The following PCDHGB3 variants were observed in gnomAD, a reference collection of about 807,000 sequenced individuals.
The protein encoded by PCDHGB3 is protocadherin gamma-B3.
In PCDHGB3, 40 loss-of-function variants were observed where a neutral mutation model predicts 59.2. The observed-to-expected ratio is 0.68, with a 90% CI of 0.52 to 0.88. PCDHGB3 has a LOEUF of 0.88. Ranked by LOEUF, PCDHGB3 falls within the 40% of genes least tolerant of loss-of-function variation. The pLI is 0.00. For missense variants in PCDHGB3, 1,309 were observed against 1,187.9 expected (o/e 1.10, Z -1.50); for synonymous variants, 581 against 503.6 (o/e 1.15, Z -2.06).
At chr5:141,480,178 C>T (rs143309515) in intron 1 of PCDHGB3, among the ~76,000 whole-genome samples, 346 of 150,752 alleles carry the variant, frequency 2.3e-3, no homozygotes, top group Non-Finnish European at 2.8e-3. Flanking sequence ...CTGAGGCAGG[C>T]GGATTGCTTG....
chr5:141,440,401 C>T (rs1023628115), intron 1 of PCDHGB3: 4 of 152,088 alleles, frequency 2.6e-5, no homozygotes, highest in African/African-American at 7.3e-5. Context: ...GAGAGGCAAT[C>T]GCACCACTGC....
intron 1 of PCDHGB3, among the ~76,000 whole-genome samples, chr5:141,387,296 C>T (rs2090893790): frequency 6.6e-6 from 1 of 152,134 alleles, no homozygotes; most frequent in Non-Finnish European, 1.5e-5. Flanking sequence ...TAAAATGTAT[C>T]CAGTATATTT....
In PCDHGB3 at chr5:141,431,318, G is replaced by T. The variant is rs1309389474; in HGVS notation, c.2415+58509G>T. The T allele has an allele frequency of 6.2e-7, 1 of 1,614,086 alleles. No individual in the cohort carries two copies. Among genetic ancestry groups the T allele is most frequent in the African/African-American group, 1.3e-5 (1 of 75,050 alleles). ...CTCCCTCATCGTGCAAAATGGAGCCGACGGTAGTAAGTACCCCGAATTGGT... is the reference window on the plus strand; with the variant it reads ...CTCCCTCATCGTGCAAAATGGAGCCTACGGTAGTAAGTACCCCGAATTGGT... On this transcript the variant is annotated intron_variant, in intron 1 of 3. Coordinates refer to ENST00000576222, the MANE Select transcript of PCDHGB3 (RefSeq NM_018924.5). The surrounding 1 kb of genome is among the most constrained non-coding windows in gnomAD (Gnocchi z 4.8).
In PCDHGB3 at chr5:141,476,401, G is replaced by A. The variant is rs772438777; in HGVS notation, c.2416-18406G>A. The A allele has an allele frequency of 1.9e-6, 3 of 1,614,054 alleles. No individual in the cohort carries two copies. Among genetic ancestry groups the A allele is most frequent in the African/African-American group, 2.7e-5 (2 of 74,926 alleles). On this transcript the variant is annotated intron_variant, in intron 1 of 3. Coordinates refer to ENST00000576222, the MANE Select transcript of PCDHGB3 (RefSeq NM_018924.5). This position sits in a 1 kb window ranked among gnomAD's most constrained non-coding sequence, Gnocchi z 7.6. ...TTGTGAACGACCGTCTGGATCGAGA[G>A]GAGCTGTGTGGGACACTGCCCTCTT...
intron 1 of PCDHGB3, among the ~76,000 whole-genome samples, chr5:141,452,664 T>C (rs557662640): frequency 6.6e-6 from 1 of 151,058 alleles, no homozygotes; most frequent in South Asian, 2.1e-4. Context: ...TCCACTGCAC[T>C]CCAGCCTAGG....
intron 1 of PCDHGB3, chr5:141,383,858 A>T: frequency 6.2e-7 from 1 of 1,613,996 alleles, no homozygotes. Flanking sequence ...ATGGAGGTTC[A>T]GGCTCAAGAT....
intron 1 of PCDHGB3, chr5:141,428,120 C>T (rs756805763): frequency 3.7e-6 from 6 of 1,606,528 alleles, no homozygotes; most frequent in East Asian, 4.5e-5. Flanking sequence ...CCATCGAGCC[C>T]GGGCTTTTCA....
intron 1 of PCDHGB3, among the ~76,000 whole-genome samples, chr5:141,448,706 C>T (rs1344013319): frequency 1.3e-5 from 2 of 151,730 alleles, no homozygotes; most frequent in African/African-American, 2.4e-5. Flanking sequence ...TTTGGGAGGC[C>T]GAGGCGGGAG....
In PCDHGB3 at chr5:141,432,167, T is replaced by G. The variant is rs559707772; in HGVS notation, c.2415+59358T>G. The G allele has an allele frequency of 1.4e-5, 22 of 1,613,962 alleles. No homozygotes were observed. The highest frequency in any genetic ancestry group is 9.3e-5 in the African/African-American group (7 of 74,972). On this transcript the variant is annotated intron_variant, in intron 1 of 3. Coordinates refer to ENST00000576222, the MANE Select transcript of PCDHGB3 (RefSeq NM_018924.5). The surrounding 1 kb of genome is among the most constrained non-coding windows in gnomAD (Gnocchi z 6.0). Reference sequence around the variant, plus strand: ...CCCAGAGAACAATCCCAGAGGAGTTTCCCTCGTCTCTGTGACCGCCCACGA... The same window carrying G: ...CCCAGAGAACAATCCCAGAGGAGTTGCCCTCGTCTCTGTGACCGCCCACGA...
chr5:141,486,565 TC>T lies in PCDHGB3; in HGVS notation c.2416-8240del. The T allele has an allele frequency of 6.2e-7, 1 of 1,614,024 alleles. No homozygotes were observed. The highest frequency in any genetic ancestry group is 2.2e-5 in the East Asian group (1 of 44,880). On this transcript the variant is annotated intron_variant, in intron 1 of 3. Transcript: ENST00000576222. This position sits in a 1 kb window ranked among gnomAD's most constrained non-coding sequence, Gnocchi z 5.0. Reference sequence around the variant, plus strand: ...TTCAGAGGTCACATGAGGTGTTTGTTCCTGAGAACAATCGCCCAGGGGACCT... The same window carrying T: ...TTCAGAGGTCACATGAGGTGTTTGTTCTGAGAACAATCGCCCAGGGGACCT...
intron 1 of PCDHGB3, among the ~76,000 whole-genome samples, chr5:141,453,510 T>C (rs11958830): frequency 0.2 from 30,607 of 152,026 alleles, 3,435 homozygotes; most frequent in African/African-American, 0.31. Flanking sequence ...AAAATTGTCA[T>C]TCCTCCCCTA....
chr5:141,398,942 G>C (rs748252181), intron 1 of PCDHGB3: 1 of 1,613,766 alleles, frequency 6.2e-7, no homozygotes, highest in Non-Finnish European at 8.5e-7. Context: ...CAAGACGAGG[G>C]CATCAACTCA....
intron 1 of PCDHGB3, chr5:141,387,894 G>C: frequency 1.9e-6 from 3 of 1,540,604 alleles, no homozygotes; most frequent in Non-Finnish European, 8.7e-7. Context: ...GATGGGGAGC[G>C]GCGCCGGGGA....
chr5:141,489,101 T>G lies in PCDHGB3; in HGVS notation c.2416-5706T>G. 1 of 398,408 alleles carries G rather than the reference T, an allele frequency of 2.5e-6. No homozygotes were observed. Among genetic ancestry groups the G allele is most frequent in the Non-Finnish European group, 4.5e-6 (1 of 223,328 alleles). The allele number at this position is 398,408 out of a possible 1,614,324, so 24.7% of individuals were successfully genotyped here. On this transcript the variant is annotated intron_variant, in intron 1 of 3. Transcript: ENST00000576222. The surrounding 1 kb of genome is among the most constrained non-coding windows in gnomAD (Gnocchi z 4.5). Reference sequence around the variant, plus strand: ...CCGCCACTCGGTGACTAAGAACTGCTGCAAGCAGGCAAACCTCCGAGCAGT... The same window carrying G: ...CCGCCACTCGGTGACTAAGAACTGCGGCAAGCAGGCAAACCTCCGAGCAGT...
intron 1 of PCDHGB3, among the ~76,000 whole-genome samples, chr5:141,450,062 A>G (rs546772416): frequency 1.1e-4 from 15 of 142,322 alleles, no homozygotes; most frequent in African/African-American, 4.0e-4. Flanking sequence ...GCTGGAATGC[A>G]GTGGTATGAT....
intron 1 of PCDHGB3, chr5:141,403,041 A>T: frequency 6.2e-7 from 1 of 1,614,084 alleles, no homozygotes; most frequent in Non-Finnish European, 8.5e-7. Flanking sequence ...AGGGCCAGTC[A>T]GATTCGCTAC....
intron 1 of PCDHGB3, 25 bp downstream of exon 1, chr5:141,372,834 C>A (rs1343091313): frequency 3.9e-6 from 6 of 1,536,106 alleles, no homozygotes; most frequent in South Asian, 1.2e-5. Flanking sequence ...ACCTTTCCTT[C>A]CATAAATATA....
At position 141,477,591 on chromosome 5, in the gene PCDHGB3, T is replaced by C; in HGVS notation, c.2416-17216T>C. On this transcript the variant is annotated intron_variant, in intron 1 of 3. Coordinates refer to ENST00000576222, the MANE Select transcript of PCDHGB3 (RefSeq NM_018924.5). This position sits in a 1 kb window ranked among gnomAD's most constrained non-coding sequence, Gnocchi z 4.9. Reference sequence around the variant, plus strand: ...CCCGACGCCCCGCAGAATGCTCGGCTTTCTTTCTTTCTCTTGGAGCAAGGA... The same window carrying C: ...CCCGACGCCCCGCAGAATGCTCGGCCTTCTTTCTTTCTCTTGGAGCAAGGA... The C allele has an allele frequency of 6.2e-7, 1 of 1,614,136 alleles. No homozygotes were observed. The highest frequency in any genetic ancestry group is 8.5e-7 in the Non-Finnish European group (1 of 1,180,016).
intron 1 of PCDHGB3, chr5:141,375,531 A>G: frequency 1.2e-6 from 2 of 1,614,040 alleles, no homozygotes; most frequent in Non-Finnish European, 1.7e-6. Context: ...GACGTGGACC[A>G]GAACGCCCAA....
Sources: allele counts gnomAD v4.1 joint callset (sites outside exome capture counted in the v4.1 genomes callset), GRCh38; gene constraint gnomAD v4.1.1; non-coding constraint Gnocchi (gnomAD v3.1); transcripts MANE v1.5; gene names NCBI Gene and HGNC (gene_info 2026-07-23, HGNC 2026-07-21).